The following TNKS2 variants were observed in gnomAD, a reference collection of about 807,000 sequenced individuals.
TNKS2 encodes poly [ADP-ribose] polymerase tankyrase-2.
Under a neutral mutation model 137.6 loss-of-function variants are expected in TNKS2, and 72 were observed. That is an observed-to-expected ratio of 0.52 (90% CI 0.43 to 0.64). TNKS2 has a LOEUF of 0.64. Ranked by LOEUF, TNKS2 falls within the 30% of genes least tolerant of loss-of-function variation. The pLI is 0.00. For synonymous variants in TNKS2, 516 were observed against 512.1 expected, an observed-to-expected ratio of 1.01 and a Z score of -0.10; for missense variants, 1,049 against 1,410.2, an observed-to-expected ratio of 0.74 and a Z score of 4.10.
chr10:91,855,139 A>G lies in TNKS2; in HGVS notation c.2913+13A>G, dbSNP rs773658238. The G allele has an allele frequency of 1.4e-6, 2 of 1,481,052 alleles. No individual in the cohort carries two copies. The highest frequency in any genetic ancestry group is 2.8e-5 in the African/African-American group (2 of 72,240). The allele number at this position is 1,481,052 out of a possible 1,614,324, so 91.7% of individuals were successfully genotyped here. ...TGTGGAGGAAGAGGTATGTTCATAT[A>G]ACTTCAATAGTAGGTTTGCCGTATA... On this transcript the variant is annotated intron_variant, in intron 22 of 26. Coordinates refer to ENST00000371627, the MANE Select transcript of TNKS2 (RefSeq NM_025235.4).
intron 21 of TNKS2, among the ~76,000 whole-genome samples, chr10:91,853,092 C>T (rs1842598253): frequency 6.6e-6 from 1 of 152,080 alleles, no homozygotes; most frequent in South Asian, 2.1e-4. Flanking sequence ...GGTATGATAA[C>T]AATTATGTTG....
At chr10:91,809,512 A>G (rs1844431567) in intron 1 of TNKS2, among the ~76,000 whole-genome samples, 1 of 151,844 alleles carries the variant, frequency 6.6e-6, no homozygotes, top group African/African-American at 2.4e-5. Flanking sequence ...TAAAAATACA[A>G]AAAATTAGCT....
At chr10:91,845,425 T>G (rs1352499598) in intron 17 of TNKS2, among the ~76,000 whole-genome samples, 1 of 152,232 alleles carries the variant, frequency 6.6e-6, no homozygotes, top group African/African-American at 2.4e-5. Context: ...ATAGTTTGAA[T>G]AATTGAGGAA....
At chr10:91,838,104 TCA>T (rs892103310) in intron 13 of TNKS2, among the ~76,000 whole-genome samples, 1 of 141,898 alleles carries the variant, frequency 7.0e-6, no homozygotes, top group African/African-American at 2.6e-5. Flanking sequence ...TTGTAAATGC[TCA>T]TTCTCTTACA....
chr10:91,822,507 G>GT, intron 7 of TNKS2, 145 bp downstream of exon 7: 2 of 611,326 alleles, frequency 3.3e-6, no homozygotes, highest in Non-Finnish European at 5.6e-6. Context: ...TAAAATATAG[G>GT]TGACTGATAG....
At chr10:91,820,625 A>G (rs1029389137) in intron 6 of TNKS2, among the ~76,000 whole-genome samples, 3 of 152,350 alleles carry the variant, frequency 2.0e-5, no homozygotes, top group East Asian at 1.9e-4. Flanking sequence ...AAGTAATTCA[A>G]AGTTCACCCT....
Position 91,844,980 on chromosome 10 carries a change from C to G in TNKS2, c.2121C>G (p.Ala707=). 6.2e-7 allele frequency: 1 copy of G among 1,613,288 alleles called. No individual in the cohort carries two copies. The highest frequency in any genetic ancestry group is 8.5e-7 in the Non-Finnish European group (1 of 1,179,578). ...TACAACACGGAGCTGATGTGAATGCCCAAGACAAAGGAGGACTTATTCCTT... is the reference window on the plus strand; with the variant it reads ...TACAACACGGAGCTGATGTGAATGCGCAAGACAAAGGAGGACTTATTCCTT... ...YLLQHGADVN[A]QDKGGLIPLH... The change falls in exon 17 of 27, where the codon GCC becomes GCG. Residue 707 remains alanine (A), a synonymous_variant. Coordinates refer to ENST00000371627, the MANE Select transcript of TNKS2 (RefSeq NM_025235.4).
rs11186694 is a variant in TNKS2 at position 91,813,227 on chromosome 10, C to T, written c.424+20C>T. On this transcript the variant is annotated intron_variant, in intron 2 of 26. Coordinates refer to ENST00000371627, the MANE Select transcript of TNKS2 (RefSeq NM_025235.4). ...GCATTGGTAAGACTGTTTACTTTTC[C>T]GACTTTTACTAATGTTGTAACTATT... 281,670 of 1,592,608 alleles carry T rather than the reference C, an allele frequency of 0.18. 25,525 individuals carry two copies. Among genetic ancestry groups the T allele is most frequent in the Middle Eastern group, 0.23 (1,373 of 5,964 alleles).
At chr10:91,847,429 A>T (rs1248476506) in intron 18 of TNKS2, among the ~76,000 whole-genome samples, 1 of 152,096 alleles carries the variant, frequency 6.6e-6, no homozygotes. Flanking sequence ...CAGTGGCACA[A>T]TCTGGGCTCA....
At chr10:91,819,600 C>A in intron 5 of TNKS2, 43 bp downstream of exon 5, 1 of 1,405,354 alleles carries the variant, frequency 7.1e-7, no homozygotes, top group Non-Finnish European at 9.7e-7. Flanking sequence ...CTCCTGGTAA[C>A]ATGAAGATAA....
In TNKS2 at chr10:91,831,084, C is replaced by T. The variant is rs897796692; in HGVS notation, c.1197-19C>T. ...TTTGGAAAATATATTCACTGTCTGG[C>T]TGATTTTTTCTCTCTAAGATTCTTG... On this transcript the variant is annotated intron_variant, in intron 10 of 26. Transcript: ENST00000371627. 6.2e-7 allele frequency: 1 copy of T among 1,613,524 alleles called. No homozygotes were observed. Among genetic ancestry groups the T allele is most frequent in the Non-Finnish European group, 8.5e-7 (1 of 1,179,620 alleles).
intron 18 of TNKS2, among the ~76,000 whole-genome samples, 162 bp from the exon 19 acceptor site, chr10:91,848,221 G>A (rs1033016866): frequency 1.3e-5 from 2 of 152,286 alleles, no homozygotes; most frequent in Non-Finnish European, 1.5e-5. Flanking sequence ...TGTTTGACCT[G>A]TATTAACCTG....
Position 91,819,466 on chromosome 10 carries a change from T to C in TNKS2, c.558-16T>C. 1 of 1,555,442 alleles carries C rather than the reference T, an allele frequency of 6.4e-7. No homozygotes were observed. Among genetic ancestry groups the C allele is most frequent in the Non-Finnish European group, 8.7e-7 (1 of 1,153,698 alleles). ...GATGAAGAATGCAAATTACTAATAC[T>C]TTTTTTGTATTCTAGGAGTGGCAAT... On this transcript the variant is annotated splice_polypyrimidine_tract_variant and intron_variant, in intron 4 of 26. Coordinates refer to ENST00000371627, the MANE Select transcript of TNKS2 (RefSeq NM_025235.4).
At chr10:91,827,745 ATGAT>A (rs1845112264) in intron 8 of TNKS2, among the ~76,000 whole-genome samples, 1 of 152,236 alleles carries the variant, frequency 6.6e-6, no homozygotes, top group African/African-American at 2.4e-5. Flanking sequence ...ATAATAAAGA[ATGAT>A]TGGTAGTTCC....
rs933811604 is a variant in TNKS2 at position 91,859,544 on chromosome 10, T to A, written c.3177T>A (p.Ile1059=). The A allele has an allele frequency of 6.2e-7, 1 of 1,613,950 alleles. No individual in the cohort carries two copies. The highest frequency in any genetic ancestry group is 8.5e-7 in the Non-Finnish European group (1 of 1,179,974). Residue 1059 remains isoleucine, a synonymous_variant, in exon 25 of 27, where the codon ATT becomes ATA. Transcript: ENST00000371627. ...AYIGGMFGAG[I]YFAENSSKSN... Reference sequence around the variant, plus strand: ...TAGGTGGTATGTTTGGAGCTGGCATTTATTTTGCTGAAAACTCTTCCAAAA... The same window carrying A: ...TAGGTGGTATGTTTGGAGCTGGCATATATTTTGCTGAAAACTCTTCCAAAA...
Position 91,851,285 on chromosome 10 carries a change from C to T in TNKS2, c.2764C>T (p.His922Tyr), listed in dbSNP as rs1252432057. The change falls in exon 21 of 27, where the codon CAT (histidine) becomes TAT (tyrosine). Residue 922 changes from histidine to tyrosine, a missense_variant. By Grantham distance (83) the His-to-Tyr change is moderately conservative. This residue lies in a region of TNKS2 where 208 missense variants were observed against 231.2 expected (regional missense o/e 0.90). Transcript: ENST00000371627. ...GGAGATTGGAATCAATGCTTATGGACATAGGCACAAACTAATTAAAGGAGT... is the reference window on the plus strand; with the variant it reads ...GGAGATTGGAATCAATGCTTATGGATATAGGCACAAACTAATTAAAGGAGT... ...LKEIGINAYG[H>Y]RHKLIKGVER... 1 of 1,611,468 alleles carries T rather than the reference C, an allele frequency of 6.2e-7. No individual in the cohort carries two copies. Among genetic ancestry groups the T allele is most frequent in the Admixed American group, 1.7e-5 (1 of 59,286 alleles).
rs183482345 is a variant in TNKS2 at position 91,845,041 on chromosome 10, G to A, written c.2169+13G>A. The A allele has an allele frequency of 1.4e-5, 21 of 1,552,872 alleles. No homozygotes were observed. The highest frequency in any genetic ancestry group is 9.5e-5 in the African/African-American group (7 of 73,316). The stretch of plus-strand genomic sequence containing the variant: ...AGCATCTTACGGGGTAAGTTCTTCC[G>A]TGTTACCTTTAAAAATTTGTGGAAT... On this transcript the variant is annotated intron_variant, in intron 17 of 26. Transcript: ENST00000371627.
At chr10:91,845,638 C>A in intron 17 of TNKS2, 114 bp from the exon 18 acceptor site, 1 of 861,116 alleles carries the variant, frequency 1.2e-6, no homozygotes, top group Non-Finnish European at 1.6e-6. Context: ...TTTTTCTTTT[C>A]ATTTCCAGAA....
At position 91,812,164 on chromosome 10, in the gene TNKS2, T is replaced by C. The variant is rs113980283; in HGVS notation, c.200-819T>C. Among the ~76,000 whole-genome samples the C allele has an allele frequency of 5.6e-3, 857 of 152,314 alleles. 9 individuals carry two copies. The highest frequency in any genetic ancestry group is 0.019 in the African/African-American group (793 of 41,556). On this transcript the variant is annotated intron_variant, in intron 1 of 26. Coordinates refer to ENST00000371627, the MANE Select transcript of TNKS2 (RefSeq NM_025235.4). ...AGACCACTCCATCTGCTTTAACATA[T>C]GCCTGAAAGCCTTATCATTTCAAAG...
Sources: gnomAD v4.1 joint callset for allele counts (sites outside exome capture counted in the v4.1 genomes callset) on GRCh38, gnomAD v4.1.1 for gene constraint, gnomAD v4.1.1 regional missense constraint, MANE v1.5 for transcripts, NCBI Gene and HGNC (gene_info 2026-07-23, HGNC 2026-07-21) for gene names.